The following DMD variants were observed in gnomAD, a reference collection of about 807,000 sequenced individuals.
The protein encoded by DMD is dystrophin.
Under a neutral mutation model 330.1 loss-of-function variants are expected in DMD, and 63 were observed. The observed-to-expected ratio is 0.19, with a 90% CI of 0.16 to 0.24. The LOEUF is 0.24. DMD is among the 10% of genes least tolerant of loss of function. The pLI is 1.00. For missense variants in DMD, 3,344 were observed against 2,684.1 expected, an observed-to-expected ratio of 1.25 and a Z score of -5.43; for synonymous variants, 1,223 against 959.8, an observed-to-expected ratio of 1.27 and a Z score of -5.07.
intron 55 of DMD, among the ~76,000 whole-genome samples, chrX:31,541,028 ACT>A (rs2073771241): frequency 9.0e-6 from 1 of 111,552 alleles, no homozygotes; most frequent in African/African-American, 3.3e-5. Context: ...AATTTTCTAC[ACT>A]GTCATTGATT....
intron 51 of DMD, among the ~76,000 whole-genome samples, chrX:31,748,065 G>A (rs1277019492): frequency 1.8e-5 from 2 of 111,507 alleles, no homozygotes; most frequent in Admixed American, 9.6e-5. Context: ...CAACACTATT[G>A]GGTGGTTCCA....
chrX:32,217,842 A>C (rs1200429161), intron 43 of DMD, among the ~76,000 whole-genome samples: 1 of 112,024 alleles, frequency 8.9e-6, no homozygotes, highest in East Asian at 2.8e-4. Flanking sequence ...CGTCACTATC[A>C]TTAAAGATTC....
chrX:32,136,552 TAAACAAAACAAAACAAAACAAAACA>T (rs59128114), intron 44 of DMD, among the ~76,000 whole-genome samples: 8 of 100,573 alleles, frequency 8.0e-5, no homozygotes, highest in African/African-American at 2.6e-4. Flanking sequence ...CAACAGAGAT[TAAACAAAACAAAACAAAACAAAACA>T]AAACAAAACA....
At chrX:31,918,192 T>C (rs1053624407) in intron 47 of DMD, among the ~76,000 whole-genome samples, 12 of 112,659 alleles carry the variant, frequency 1.1e-4, no homozygotes, top group East Asian at 5.6e-4. Context: ...TAACTCCTCG[T>C]AATAAAGTAT....
intron 45 of DMD, among the ~76,000 whole-genome samples, chrX:31,936,833 C>A (rs1467914662): frequency 9.0e-6 from 1 of 111,021 alleles, no homozygotes; most frequent in Non-Finnish European, 1.9e-5. Flanking sequence ...TTGTTTCTAA[C>A]CTTGAAGAGT....
At chrX:31,385,288 C>T (rs779585792) in intron 60 of DMD, among the ~76,000 whole-genome samples, 20 of 111,686 alleles carry the variant, frequency 1.8e-4, no homozygotes, top group Non-Finnish European at 3.4e-4. Context: ...TTTATGCCTG[C>T]GCTGTTAACA....
chrX:32,489,020 C>G (rs987172738), intron 20 of DMD, among the ~76,000 whole-genome samples: 3 of 111,448 alleles, frequency 2.7e-5, no homozygotes, highest in African/African-American at 9.8e-5. Flanking sequence ...AAGGAAGATG[C>G]CCTTGGTGGC....
At chrX:32,023,894 A>G (rs906579072) in intron 44 of DMD, among the ~76,000 whole-genome samples, 1 of 111,147 alleles carries the variant, frequency 9.0e-6, no homozygotes, top group African/African-American at 3.3e-5. Context: ...TTGAGTGCAC[A>G]TGGACATAAA....
intron 7 of DMD, among the ~76,000 whole-genome samples, chrX:32,798,021 T>A (rs1301155967): frequency 1.8e-5 from 2 of 111,723 alleles, no homozygotes; most frequent in Non-Finnish European, 1.9e-5. Flanking sequence ...CTTTAACAAA[T>A]CAGCCCCTAG....
intron 7 of DMD, among the ~76,000 whole-genome samples, chrX:32,780,387 G>A (rs184515023): frequency 2.9e-4 from 32 of 112,218 alleles, no homozygotes; most frequent in Admixed American, 4.7e-4. Context: ...CTGTAAGAAT[G>A]CATACAATTA....
chrX:32,899,375 T>C (rs2086019540), intron 2 of DMD, among the ~76,000 whole-genome samples: 1 of 111,314 alleles, frequency 9.0e-6, no homozygotes, highest in South Asian at 3.7e-4. Context: ...TCATAGAAAG[T>C]GTTTGTACTT....
intron 25 of DMD, among the ~76,000 whole-genome samples, chrX:32,456,690 A>T (rs184366315): frequency 7.5e-5 from 8 of 107,257 alleles, no homozygotes; most frequent in Non-Finnish European, 1.4e-4. Flanking sequence ...GAAGGCAAAA[A>T]CGACAGCATT....
chrX:32,321,110 C>A (rs1177977048), intron 41 of DMD, among the ~76,000 whole-genome samples: 1 of 111,317 alleles, frequency 9.0e-6, no homozygotes, highest in East Asian at 2.8e-4. Context: ...TTTATATGGT[C>A]AAAGCTTATT....
chrX:32,758,708 G>A (rs901570433), intron 7 of DMD, among the ~76,000 whole-genome samples: 9 of 110,672 alleles, frequency 8.1e-5, no homozygotes, highest in Non-Finnish European at 1.7e-4. Flanking sequence ...TCAAGATTAC[G>A]AGATAACAAA....
intron 55 of DMD, among the ~76,000 whole-genome samples, chrX:31,523,034 A>T (rs1339515427): frequency 9.0e-6 from 1 of 111,166 alleles, no homozygotes. Context: ...AGTGGGCTTG[A>T]GAATCACCCA....
intron 1 of DMD, among the ~76,000 whole-genome samples, chrX:33,154,345 A>G (rs1423902770): frequency 9.0e-6 from 1 of 111,683 alleles, no homozygotes; most frequent in African/African-American, 3.3e-5. Context: ...TGCAGTGAGC[A>G]GAGACTGCAC....
intron 52 of DMD, among the ~76,000 whole-genome samples, chrX:31,726,625 G>C (rs1018673363): frequency 4.5e-5 from 5 of 111,675 alleles, no homozygotes; most frequent in Non-Finnish European, 9.4e-5. Flanking sequence ...TATGAGTATT[G>C]AATTTCCATC....
intron 47 of DMD, among the ~76,000 whole-genome samples, chrX:31,878,191 A>G (rs770411210): frequency 8.9e-6 from 1 of 112,072 alleles, no homozygotes; most frequent in South Asian, 3.7e-4. Flanking sequence ...GCTTATCATG[A>G]GACGAAATTT....
intron 60 of DMD, among the ~76,000 whole-genome samples, chrX:31,397,764 G>A (rs2061008778): frequency 8.9e-6 from 1 of 112,161 alleles, no homozygotes; most frequent in Non-Finnish European, 1.9e-5. Context: ...GTATGGCAAG[G>A]ATAACTAGTG....
Sources: allele counts gnomAD v4.1 joint callset (sites outside exome capture counted in the v4.1 genomes callset), GRCh38; gene constraint gnomAD v4.1.1; transcripts MANE v1.5; gene names NCBI Gene and HGNC (gene_info 2026-07-23, HGNC 2026-07-21).